Variants in CHST13 observed in about 807,000 individuals in gnomAD.
CHST13 encodes the protein carbohydrate sulfotransferase 13, also known as C4ST-3.
A neutral mutation model predicts 7.0 loss-of-function variants in CHST13; 1 was observed. The observed-to-expected ratio is 0.14, with a 90% CI of 0.05 to 0.68. CHST13 has a LOEUF of 0.68. Ranked by LOEUF, CHST13 falls within the 30% of genes least tolerant of loss-of-function variation. CHST13 has a pLI of 0.82. For synonymous variants in CHST13, 257 were observed against 240.9 expected (o/e 1.07, Z -0.62); for missense variants, 572 against 507.9 (o/e 1.13, Z -1.21).
intron 1 of CHST13, among the ~76,000 whole-genome samples, chr3:126,528,644 G>T (rs191514599): frequency 6.6e-6 from 1 of 152,254 alleles, no homozygotes; most frequent in East Asian, 1.9e-4. Context: ...GAAGGTGGAA[G>T]TGGGGTCCGG....
rs143498893 is a variant in CHST13, at chr3:126,537,297, G to A, written c.180+944G>A. Among the ~76,000 whole-genome samples, 691 of 152,342 alleles carry A rather than the reference G, an allele frequency of 4.5e-3. 4 individuals are homozygous for A. Among genetic ancestry groups the A allele is most frequent in the African/African-American group, 0.015 (607 of 41,584 alleles). On this transcript the variant is annotated intron_variant, in intron 2 of 2. Coordinates refer to ENST00000319340, the MANE Select transcript of CHST13 (RefSeq NM_152889.3). ...TGTGCCAAAGGCCTGGCGGGGAGTGGAGGACAGGAGAGGGAGCACAAGGGG... is the reference window on the plus strand; with the variant it reads ...TGTGCCAAAGGCCTGGCGGGGAGTGAAGGACAGGAGAGGGAGCACAAGGGG...
chr3:126,539,773 GCACAC>G (rs1936896686), intron 2 of CHST13, among the ~76,000 whole-genome samples: 11 of 16,412 alleles, frequency 6.7e-4, no homozygotes, highest in South Asian at 1.9e-3. Flanking sequence ...CACACACACA[GCACAC>G]ACACACCACA....
Position 126,542,372 on chromosome 3 carries a change from G to A in CHST13, c.820G>A (p.Ala274Thr), listed in dbSNP as rs1449214439. 1.9e-6 allele frequency: 3 copies of A among 1,560,038 alleles called. No homozygotes were observed. The highest frequency in any genetic ancestry group is 1.9e-5 in the Admixed American group (1 of 53,872). Residue 274 changes from alanine (A) to threonine (T), a missense_variant, in exon 3 of 3, where the codon GCG becomes ACG. Ala to Thr is a moderately conservative substitution (Grantham distance 58). Coordinates refer to ENST00000319340, the MANE Select transcript of CHST13 (RefSeq NM_152889.3). ...VGKFETLAEDAAFVLGLAGAS... is the reference protein window; with the variant it reads ...VGKFETLAEDTAFVLGLAGAS... ...CAAGTTCGAGACGCTGGCGGAGGAC[G>A]CGGCCTTCGTGCTGGGCCTGGCGGG... is the stretch of plus-strand genomic sequence containing the variant.
In CHST13 at chr3:126,542,067, T is replaced by C. The variant is rs768920200; in HGVS notation, c.515T>C (p.Phe172Ser). Residue 172 changes from phenylalanine to serine, a missense_variant, in exon 3 of 3, where the codon TTC becomes TCC. By Grantham distance (155) the Phe-to-Ser change is radical (BLOSUM62 -2). Coordinates refer to ENST00000319340, the MANE Select transcript of CHST13 (RefSeq NM_152889.3). ...RRLRAYLAFL[F>S]VREPFERLAS... ...CTGCGCGCCTACTTGGCCTTCCTGT[T>C]CGTGCGGGAGCCCTTCGAGCGCCTG... 4 of 1,582,530 alleles carry C rather than the reference T, an allele frequency of 2.5e-6. No homozygotes were observed. The South Asian group carries it at 3.4e-5, about 13-fold the overall frequency.
At position 126,539,730 on chromosome 3, in the gene CHST13, CCA is replaced by C. The variant is rs1245921759; in HGVS notation, c.181-1993_181-1992del. 6.0e-5 allele frequency among the ~76,000 whole-genome samples: 6 copies of C among 100,728 alleles called. No homozygotes were observed. The South Asian group carries it at 1.8e-3, about 31-fold the overall frequency. The allele number at this position is 100,728 out of a possible 152,430, so 66.1% of individuals were successfully genotyped here. A position where few individuals can be genotyped will look rare whatever the true frequency, so the allele number is the denominator to read the frequency against. On this transcript the variant is annotated intron_variant, in intron 2 of 2. Transcript: ENST00000319340. ...ACATATGCCACACACACCCCCCACA[CCA>C]CACACACACCCCACACCACACACTC...
intron 1 of CHST13, among the ~76,000 whole-genome samples, chr3:126,526,354 C>T (rs1936536320): frequency 6.6e-6 from 1 of 152,238 alleles, no homozygotes; most frequent in Non-Finnish European, 1.5e-5. Flanking sequence ...CTCACGAGGG[C>T]CTGCAGTGTC....
At chr3:126,529,165 G>A (rs28639949) in intron 1 of CHST13, 32,885 of 542,264 alleles carry the variant, frequency 0.061, 1,297 homozygotes, top group South Asian at 0.11. Context: ...TTTGGCTGAG[G>A]TGGGTGTGCA....
At position 126,541,970 on chromosome 3, in the gene CHST13, G is replaced by C. The variant is rs749955300; in HGVS notation, c.418G>C (p.Ala140Pro). 1.3e-6 allele frequency: 2 copies of C among 1,577,744 alleles called. No homozygotes were observed. Among genetic ancestry groups the C allele is most frequent in the East Asian group, 4.7e-5 (2 of 42,538 alleles). ...QARGDPRAIS[A>P]QEAHAPGRLP... ...CCGCGGCGACCCGCGCGCCATCTCC[G>C]CGCAAGAGGCGCACGCGCCTGGCCG... The change falls in exon 3 of 3, where the codon GCG becomes CCG. Residue 140 changes from alanine to proline, a missense_variant. Ala to Pro is a conservative substitution (Grantham distance 27). Coordinates refer to ENST00000319340, the MANE Select transcript of CHST13 (RefSeq NM_152889.3).
chr3:126,537,506 C>G (rs1049094530), intron 2 of CHST13, among the ~76,000 whole-genome samples: 2 of 152,162 alleles, frequency 1.3e-5, no homozygotes, highest in Non-Finnish European at 2.9e-5. Flanking sequence ...GAGGGCTGAG[C>G]GGAAGGGGCC....
chr3:126,529,531 T>A (rs1936606389), intron 1 of CHST13, among the ~76,000 whole-genome samples: 1 of 152,158 alleles, frequency 6.6e-6, no homozygotes, highest in Admixed American at 6.5e-5. Context: ...CAAGTTTCTT[T>A]GCCTCAGTTT....
chr3:126,526,397 G>C (rs1049386431), intron 1 of CHST13, among the ~76,000 whole-genome samples: 13 of 152,360 alleles, frequency 8.5e-5, no homozygotes, highest in Admixed American at 7.2e-4. Flanking sequence ...AAGGGATGTG[G>C]TCTGTGCCCT....
intron 1 of CHST13, among the ~76,000 whole-genome samples, chr3:126,525,937 GGGA>G (rs1488833862): frequency 6.6e-6 from 1 of 152,138 alleles, no homozygotes; most frequent in Non-Finnish European, 1.5e-5. Flanking sequence ...TGCAGAGCCT[GGGA>G]AGAGACAGCA....
Position 126,541,987 on chromosome 3 carries a change from G to A in CHST13, c.435G>A (p.Ala145=). Residue 145 remains alanine (A), a synonymous_variant, in exon 3 of 3, where the codon GCG becomes GCA. Transcript: ENST00000319340. ...PRAISAQEAH[A]PGRLPSLADF... ...CCATCTCCGCGCAAGAGGCGCACGC[G>A]CCTGGCCGCCTGCCCTCACTGGCCG... The A allele has an allele frequency of 1.3e-6, 2 of 1,563,932 alleles. No individual in the cohort carries two copies. The highest frequency in any genetic ancestry group is 1.7e-6 in the Non-Finnish European group (2 of 1,159,550).
chr3:126,536,153 C>T (rs1334257115), intron 1 of CHST13, 118 bp from the exon 2 acceptor site: 21 of 777,352 alleles, frequency 2.7e-5, no homozygotes, highest in South Asian at 1.2e-4. Context: ...AGGCAAGATC[C>T]GGGAAGGAAA....
chr3:126,541,377 C>T (rs1291922469), intron 2 of CHST13, among the ~76,000 whole-genome samples: 1 of 152,220 alleles, frequency 6.6e-6, no homozygotes, highest in African/African-American at 2.4e-5. Context: ...TCTTATGCAG[C>T]CTCCTGCTTT....
Position 126,542,523 on chromosome 3 carries a change from A to G in CHST13, c.971A>G (p.Lys324Arg). The G allele has an allele frequency of 6.5e-7, 1 of 1,545,064 alleles. No individual in the cohort carries two copies. The highest frequency in any genetic ancestry group is 8.7e-7 in the Non-Finnish European group (1 of 1,152,196). ...CAGCGGCGCCTCTTCGACCTCTACA[A>G]GATGGACTTCCTGCTTTTCAACTAC... ...FYQRRLFDLY[K>R]MDFLLFNYSA... The change falls in exon 3 of 3, where the codon AAG becomes AGG. Residue 324 changes from lysine (K) to arginine (R), a missense_variant. By Grantham distance (26) the Lys-to-Arg change is conservative. Coordinates refer to ENST00000319340, the MANE Select transcript of CHST13 (RefSeq NM_152889.3).
intron 1 of CHST13, among the ~76,000 whole-genome samples, chr3:126,528,694 G>C (rs1433081806): frequency 6.6e-6 from 1 of 152,282 alleles, no homozygotes; most frequent in South Asian, 2.1e-4. Flanking sequence ...GTGCTCAAGG[G>C]GGATCTGGGC....
At chr3:126,533,507 T>G (rs1468519455) in intron 1 of CHST13, among the ~76,000 whole-genome samples, 1 of 152,230 alleles carries the variant, frequency 6.6e-6, no homozygotes, top group Non-Finnish European at 1.5e-5. Flanking sequence ...TTGATTCTAT[T>G]AATACAGTGT....
At position 126,536,339 on chromosome 3, in the gene CHST13, T is replaced by A; in HGVS notation, c.166T>A (p.Tyr56Asn). ...GAAGAGAAGCCCCCTGCAGAAGCTCTATGACCTGGATCAGGTAGGTGGACA... is the reference window on the plus strand; with the variant it reads ...GAAGAGAAGCCCCCTGCAGAAGCTCAATGACCTGGATCAGGTAGGTGGACA... Reference protein sequence around the residue: ...GEKRSPLQKLYDLDQDPRSTL... With the variant: ...GEKRSPLQKLNDLDQDPRSTL... The change falls in exon 2 of 3, where the codon TAT (tyrosine) becomes AAT (asparagine). Residue 56 changes from tyrosine to asparagine, a missense_variant. By Grantham distance (143) the Tyr-to-Asn change is moderately radical (BLOSUM62 -2). Transcript: ENST00000319340. The A allele has an allele frequency of 6.2e-7, 1 of 1,613,776 alleles. No individual in the cohort carries two copies. The highest frequency in any genetic ancestry group is 1.1e-5 in the South Asian group (1 of 91,038).
Sources: gnomAD v4.1 joint callset for allele counts (sites outside exome capture counted in the v4.1 genomes callset) on GRCh38, gnomAD v4.1.1 for gene constraint, MANE v1.5 for transcripts, NCBI Gene and HGNC (gene_info 2026-07-23, HGNC 2026-07-21) for gene names.